MRTFB: variants seen among roughly 807,000 people sequenced by gnomAD.
MRTFB encodes the protein myocardin related transcription factor B.
MRTFB carries 29 observed loss-of-function variants against 104.2 expected under a neutral mutation model. The ratio of observed to expected loss-of-function variants is 0.28; its 90% confidence interval spans 0.21 to 0.38. MRTFB has a LOEUF of 0.38. Ranked by LOEUF, MRTFB falls within the 10% of genes least tolerant of loss-of-function variation. MRTFB has a pLI of 1.00. For missense variants in MRTFB, 1,270 were observed against 1,341.6 expected (o/e 0.95, Z 0.83); for synonymous variants, 535 against 519.5 (o/e 1.03, Z -0.41).
In MRTFB at chr16:14,169,828, CA is replaced by C. The variant is rs1320795221; in HGVS notation, c.154+29069del. Among the ~76,000 whole-genome samples the C allele has an allele frequency of 6.6e-5, 10 of 152,008 alleles. No individual in the cohort carries two copies. The South Asian group carries it at 1.7e-3, about 25-fold the overall frequency. On this transcript the variant is annotated intron_variant, in intron 3 of 16. Transcript: ENST00000571589. ...TTGCATGAGTCAAGGGGTTTGAGAC[CA>C]GCCTGGGAAATATAGCGAGACTCCA...
chr16:14,192,285 G>T (rs925243297), intron 3 of MRTFB, among the ~76,000 whole-genome samples: 11 of 151,984 alleles, frequency 7.2e-5, no homozygotes, highest in Admixed American at 3.9e-4. Flanking sequence ...GAGATGCAGG[G>T]ATCCCTTGAA....
chr16:14,117,671 G>A (rs142605594), intron 2 of MRTFB, among the ~76,000 whole-genome samples: 1 of 152,154 alleles, frequency 6.6e-6, no homozygotes, highest in South Asian at 2.1e-4. Flanking sequence ...GATTCCAGTG[G>A]AGGAGATGGT....
Position 14,264,630 on chromosome 16 carries a change from C to T in MRTFB, c.*3186C>T, listed in dbSNP as rs1193473502. On this transcript the variant is annotated 3_prime_UTR_variant, in exon 17 of 17. Coordinates refer to ENST00000571589, the MANE Select transcript of MRTFB (RefSeq NM_001308142.2). ...CTAAAAGAGATCTTATTTAAATTTCCTTTTTAAAAGCCGCATGGTTCTGTG... is the reference window on the plus strand; with the variant it reads ...CTAAAAGAGATCTTATTTAAATTTCTTTTTTAAAAGCCGCATGGTTCTGTG... 2 of 152,024 alleles carry T rather than the reference C, an allele frequency of 1.3e-5. No homozygotes were observed. Among genetic ancestry groups the T allele is most frequent in the Admixed American group, 6.5e-5 (1 of 15,270 alleles). 9.4% of individuals were successfully genotyped at this position (152,024 alleles called of 1,614,324 possible). A position where few individuals can be genotyped will look rare whatever the true frequency, so the allele number is the denominator to read the frequency against.
rs2043807878 is a variant in MRTFB at position 14,262,342 on chromosome 16, A to G, written c.*898A>G. The stretch of plus-strand genomic sequence containing the variant: ...TTTCTAGAGTACTTGAGCCACATGT[A>G]TTTCTGTATTTAAAGAATTGCTGAC... On this transcript the variant is annotated 3_prime_UTR_variant, in exon 17 of 17. Transcript: ENST00000571589. 6.6e-6 allele frequency: 1 copy of G among 152,218 alleles called. No individual in the cohort carries two copies. Among genetic ancestry groups the G allele is most frequent in the Admixed American group, 6.5e-5 (1 of 15,288 alleles). The allele number at this position is 152,218 out of a possible 1,614,324, so 9.4% of individuals were successfully genotyped here.
chr16:14,265,349 A>T lies in MRTFB; in HGVS notation c.*3905A>T, dbSNP rs1318700348. On this transcript the variant is annotated 3_prime_UTR_variant, in exon 17 of 17. Coordinates refer to ENST00000571589, the MANE Select transcript of MRTFB (RefSeq NM_001308142.2). The stretch of plus-strand genomic sequence containing the variant: ...CGTCCCACCGCCCTAGAGGCCACAG[A>T]ATTAGCCCAAAATTATCAAAGAACA... The T allele has an allele frequency of 6.6e-6, 1 of 152,196 alleles. No individual in the cohort carries two copies. The highest frequency in any genetic ancestry group is 2.4e-5 in the African/African-American group (1 of 41,440). 9.4% of individuals were successfully genotyped at this position (152,196 alleles called of 1,614,324 possible). A position where few individuals can be genotyped will look rare whatever the true frequency, so the allele number is the denominator to read the frequency against.
chr16:14,115,790 CTT>C (rs764039370), intron 2 of MRTFB, among the ~76,000 whole-genome samples: 139 of 152,242 alleles, frequency 9.1e-4, no homozygotes, highest in Non-Finnish European at 1.5e-3. Context: ...TGGTTTTAGA[CTT>C]TTGGGTCTTT....
intron 2 of MRTFB, among the ~76,000 whole-genome samples, chr16:14,090,754 C>T (rs1336117421): frequency 1.3e-5 from 2 of 152,156 alleles, no homozygotes; most frequent in Non-Finnish European, 2.9e-5. Context: ...AGATATCTCA[C>T]AACAGCCTAT....
At chr16:14,029,454 A>C in the MRTFB span, among the ~76,000 whole-genome samples, 1 of 142,274 alleles carries the variant, frequency 7.0e-6, no homozygotes, top group East Asian at 2.0e-4. Flanking sequence ...ATACACACAC[A>C]CACACATATA....
chr16:14,013,090 T>G, the MRTFB span: 2 of 152,186 alleles, frequency 1.3e-5, no homozygotes, highest in Admixed American at 6.5e-5. Flanking sequence ...AGGAGGCCAG[T>G]ATTGAACTTG....
At chr16:14,108,248 G>A (rs1005778695) in intron 2 of MRTFB, among the ~76,000 whole-genome samples, 1 of 152,184 alleles carries the variant, frequency 6.6e-6, no homozygotes, top group African/African-American at 2.4e-5. Flanking sequence ...TTACAGTTTT[G>A]CATGTCTCTA....
In MRTFB at chr16:14,071,326, C is replaced by CGCGGCGGCGGCGGGAGCGGCG. The variant is rs1555477198; in HGVS notation, c.-156_-136dup. The CGCGGCGGCGGCGGGAGCGGCG allele has an allele frequency of 1.2e-5, 2 of 166,488 alleles. No individual in the cohort carries two copies. Among genetic ancestry groups the CGCGGCGGCGGCGGGAGCGGCG allele is most frequent in the Non-Finnish European group, 2.5e-5 (2 of 80,210 alleles). The allele number at this position is 166,488 out of a possible 1,614,324, so 10.3% of individuals were successfully genotyped here. ...AGGGGAGCGAAGTCTCGCGAGATCG[C>CGCGGCGGCGGCGGGAGCGGCG]GCGGCGGCGGCGGGAGCGGCGGCGG... On this transcript the variant is annotated 5_prime_UTR_variant, in exon 1 of 17. Coordinates refer to ENST00000571589, the MANE Select transcript of MRTFB (RefSeq NM_001308142.2).
chr16:14,011,591 A>G, the MRTFB span, among the ~76,000 whole-genome samples: 3 of 152,328 alleles, frequency 2.0e-5, no homozygotes, highest in South Asian at 2.1e-4. Flanking sequence ...TCCTTTTAAA[A>G]TAAAATTATT....
chr16:14,083,768 T>A (rs766802072), intron 2 of MRTFB, among the ~76,000 whole-genome samples: 6 of 152,166 alleles, frequency 3.9e-5, no homozygotes, highest in Admixed American at 2.0e-4. Flanking sequence ...GTGAAGGTGT[T>A]TTTAGGAATG....
At chr16:14,047,403 G>A in the MRTFB span, among the ~76,000 whole-genome samples, 1 of 152,192 alleles carries the variant, frequency 6.6e-6, no homozygotes, top group Non-Finnish European at 1.5e-5. Context: ...GGCAGTGATA[G>A]CCAATTTCTG....
chr16:14,135,848 G>T (rs975610990), intron 2 of MRTFB, among the ~76,000 whole-genome samples: 1 of 152,154 alleles, frequency 6.6e-6, no homozygotes, highest in African/African-American at 2.4e-5. Context: ...GCTTTTTGCT[G>T]TTAGGTGATC....
At chr16:14,058,778 G>A in the MRTFB span, among the ~76,000 whole-genome samples, 1 of 144,110 alleles carries the variant, frequency 6.9e-6, no homozygotes, top group East Asian at 2.0e-4. Context: ...GAGTGCAGTG[G>A]TGAGATTTCA....
At position 14,218,798 on chromosome 16, in the gene MRTFB, C is replaced by A; in HGVS notation, c.515-22C>A. On this transcript the variant is annotated intron_variant, in intron 7 of 16. Transcript: ENST00000571589. ...ATTCCAAAGCCAACATAAGTCAAGTCAAAAATCATTTCTTTCTTTAGGCGT... is the reference window on the plus strand; with the variant it reads ...ATTCCAAAGCCAACATAAGTCAAGTAAAAAATCATTTCTTTCTTTAGGCGT... The A allele has an allele frequency of 1.9e-6, 3 of 1,570,648 alleles. No individual in the cohort carries two copies. The South Asian group carries it at 3.5e-5, about 18-fold the overall frequency.
rs1450559100 is a variant in MRTFB at position 14,265,673 on chromosome 16, A to G, written c.*4229A>G. 1.3e-5 allele frequency: 2 copies of G among 152,212 alleles called. No homozygotes were observed. Among genetic ancestry groups the G allele is most frequent in the African/African-American group, 4.8e-5 (2 of 41,440 alleles). 9.4% of individuals were successfully genotyped at this position (152,212 alleles called of 1,614,324 possible). On this transcript the variant is annotated 3_prime_UTR_variant, in exon 17 of 17. Coordinates refer to ENST00000571589, the MANE Select transcript of MRTFB (RefSeq NM_001308142.2). ...AGTATCCAGGGAAACACATCATTACAAAGGGTTTCTACCTGAAATCTTTCA... is the reference window on the plus strand; with the variant it reads ...AGTATCCAGGGAAACACATCATTACGAAGGGTTTCTACCTGAAATCTTTCA...
Position 14,177,903 on chromosome 16 carries a change from G to GGTGTGTGT in MRTFB, c.155-32314_155-32307dup, listed in dbSNP as rs142062484. Among the ~76,000 whole-genome samples, 933 of 146,052 alleles carry GGTGTGTGT rather than the reference G, an allele frequency of 6.4e-3. 17 individuals are homozygous for GGTGTGTGT. Among genetic ancestry groups the GGTGTGTGT allele is most frequent in the South Asian group, 0.061 (275 of 4,502 alleles). ...CGAGAAGTACATGAACCAGAGGTAGGGTGTGTGTGTGTGTGTGTGTGTGTG... is the reference window on the plus strand; with the variant it reads ...CGAGAAGTACATGAACCAGAGGTAGGGTGTGTGTGTGTGTGTGTGTGTGTGTGTGTGTG... On this transcript the variant is annotated intron_variant, in intron 3 of 16. Transcript: ENST00000571589. This position sits in a 1 kb window ranked among gnomAD's most constrained non-coding sequence, Gnocchi z 4.7.
Sources: allele counts gnomAD v4.1 joint callset (sites outside exome capture counted in the v4.1 genomes callset), GRCh38; gene constraint gnomAD v4.1.1; non-coding constraint Gnocchi (gnomAD v3.1); transcripts MANE v1.5; gene names NCBI Gene and HGNC (gene_info 2026-07-23, HGNC 2026-07-21).